SMARCA2: variants seen among roughly 807,000 people sequenced by gnomAD.
The protein encoded by SMARCA2 is SWI/SNF related BAF chromatin remodeling complex subunit ATPase 2.
In SMARCA2, 61 loss-of-function variants were observed where a neutral mutation model predicts 199.8. The ratio of observed to expected loss-of-function variants is 0.31; its 90% CI spans 0.25 to 0.38. The LOEUF is 0.38. Among genes scored for constraint, SMARCA2 ranks in the 10% least tolerant of loss-of-function variants. SMARCA2 has a pLI of 1.00. For synonymous variants in SMARCA2, 935 were observed against 732.0 expected, an observed-to-expected ratio of 1.28 and a Z score of -4.48; for missense variants, 1,344 against 2,012.2, an observed-to-expected ratio of 0.67 and a Z score of 6.35.
At chr9:2,062,456 G>T (rs1820638530) in intron 9 of SMARCA2, among the ~76,000 whole-genome samples, 1 of 152,176 alleles carries the variant, frequency 6.6e-6, no homozygotes, top group Admixed American at 6.5e-5. Context: ...ACAATTAATA[G>T]ATTTCTGCCG....
chr9:2,183,911 C>G (rs2129911239), intron 31 of SMARCA2, among the ~76,000 whole-genome samples: 1 of 152,198 alleles, frequency 6.6e-6, no homozygotes, highest in Non-Finnish European at 1.5e-5. Context: ...ACATCCAGTC[C>G]TTTTTTCTAC....
intron 1 of SMARCA2, among the ~76,000 whole-genome samples, chr9:2,018,930 C>A (rs573441481): frequency 9.2e-5 from 14 of 152,304 alleles, no homozygotes; most frequent in African/African-American, 2.9e-4. Context: ...TGTTAAGAGG[C>A]GTGGCAGATT....
At chr9:2,132,089 C>G (rs1364497904) in intron 27 of SMARCA2, among the ~76,000 whole-genome samples, 1 of 152,098 alleles carries the variant, frequency 6.6e-6, no homozygotes, top group Admixed American at 6.5e-5. Context: ...CCTCTCATCA[C>G]AGGAAGCCAA....
In SMARCA2 at chr9:2,058,178, C is replaced by G. The variant is rs17530262; in HGVS notation, c.1348-113C>G. The G allele has an allele frequency of 0.014, 12,683 of 893,418 alleles. 125 individuals are homozygous for G. Among genetic ancestry groups the G allele is most frequent in the Non-Finnish European group, 0.019 (10,421 of 562,082 alleles). The allele number at this position is 893,418 out of a possible 1,614,324, so 55.3% of individuals were successfully genotyped here. A position where few individuals can be genotyped will look rare whatever the true frequency, so the allele number is the denominator to read the frequency against. On this transcript the variant is annotated intron_variant, in intron 7 of 33. Coordinates refer to ENST00000349721, the MANE Select transcript of SMARCA2 (RefSeq NM_003070.5). ...CACCTATCCCCAAACAGATTCTAGT[C>G]TTCCTATGCTGTTAAACACACACTG... is the stretch of plus-strand genomic sequence containing the variant.
At chr9:2,160,098 C>A in intron 27 of SMARCA2, 1 of 695,666 alleles carries the variant, frequency 1.4e-6, no homozygotes. Flanking sequence ...GTTCAGCCTC[C>A]AAGATATGCG....
intron 23 of SMARCA2, among the ~76,000 whole-genome samples, chr9:2,105,599 C>T (rs898769390): frequency 5.3e-5 from 8 of 152,136 alleles, no homozygotes; most frequent in African/African-American, 1.7e-4. Context: ...TGAATGGTTA[C>T]GTAAATGTCA....
chr9:2,124,584 G>A (rs865993803), intron 27 of SMARCA2, among the ~76,000 whole-genome samples: 3 of 152,162 alleles, frequency 2.0e-5, no homozygotes, highest in South Asian at 2.1e-4. Flanking sequence ...CTCGATTTCC[G>A]CTTGATCTGA....
chr9:2,024,917 TG>T (rs1486914502), intron 1 of SMARCA2, among the ~76,000 whole-genome samples: 1 of 152,212 alleles, frequency 6.6e-6, no homozygotes, highest in Non-Finnish European at 1.5e-5. Flanking sequence ...CACATGTAGG[TG>T]TGTTCAAATA....
Position 2,042,990 on chromosome 9 carries a change from A to G in SMARCA2, c.790+3090A>G, listed in dbSNP as rs562240332. The G allele has an allele frequency of 2.7e-5, 4 of 150,508 alleles. No individual in the cohort carries two copies. In the East Asian group the frequency reaches 7.8e-4, roughly 29 times the overall value. 9.3% of individuals were successfully genotyped at this position (150,508 alleles called of 1,614,324 possible). A position where few individuals can be genotyped will look rare whatever the true frequency, so the allele number is the denominator to read the frequency against. On this transcript the variant is annotated intron_variant, in intron 4 of 33. Coordinates refer to ENST00000349721, the MANE Select transcript of SMARCA2 (RefSeq NM_003070.5). ...CAGATAACTTTACTTGCCAAAAATAATTTTTTTTTTAGATTGGCTTTTAGA... is the reference window on the plus strand; with the variant it reads ...CAGATAACTTTACTTGCCAAAAATAGTTTTTTTTTTAGATTGGCTTTTAGA...
rs764509859 is a variant in SMARCA2, at chr9:2,169,734, C to T, written c.4200-685C>T. Among the ~76,000 whole-genome samples the T allele has an allele frequency of 2.6e-5, 4 of 152,110 alleles. No individual in the cohort carries two copies. The highest frequency in any genetic ancestry group is 4.4e-5 in the Non-Finnish European group (3 of 68,014). On this transcript the variant is annotated intron_variant, in intron 28 of 33. Coordinates refer to ENST00000349721, the MANE Select transcript of SMARCA2 (RefSeq NM_003070.5). The surrounding 1 kb of genome is among the most constrained non-coding windows in gnomAD (Gnocchi z 6.5). ...TGAAACCTGGCAGCTGCTTCCCTGCCACCACAAAAAGGGACACCAACCTAG... is the reference window on the plus strand; with the variant it reads ...TGAAACCTGGCAGCTGCTTCCCTGCTACCACAAAAAGGGACACCAACCTAG...
intron 1 of SMARCA2, among the ~76,000 whole-genome samples, chr9:2,026,933 T>C (rs76954343): frequency 4.9e-4 from 75 of 152,336 alleles, no homozygotes; most frequent in African/African-American, 1.7e-3. Flanking sequence ...TGTAATTCAC[T>C]GTTGAGGCTC....
intron 9 of SMARCA2, among the ~76,000 whole-genome samples, chr9:2,063,010 G>A (rs976580027): frequency 1.3e-5 from 2 of 152,128 alleles, no homozygotes; most frequent in African/African-American, 4.8e-5. Flanking sequence ...ATATCTTTGA[G>A]TATCTCCCAT....
intron 12 of SMARCA2, 80 bp downstream of exon 12, chr9:2,073,703 C>A: frequency 9.7e-7 from 1 of 1,035,666 alleles, no homozygotes; most frequent in Non-Finnish European, 1.5e-6. Context: ...TAAGCCCGGG[C>A]CTTGGGTCCT....
chr9:2,074,554 C>G (rs1233989178), intron 12 of SMARCA2, among the ~76,000 whole-genome samples: 1 of 152,086 alleles, frequency 6.6e-6, no homozygotes, highest in African/African-American at 2.4e-5. Context: ...AGTTACATTA[C>G]AAAAAAGCAT....
At chr9:2,155,036 A>C (rs929993477) in intron 27 of SMARCA2, among the ~76,000 whole-genome samples, 1 of 152,170 alleles carries the variant, frequency 6.6e-6, no homozygotes, top group Admixed American at 6.5e-5. Flanking sequence ...ATCATCTCTC[A>C]GGTTTTTTGA....
At chr9:2,028,456 T>G (rs1818924591) in intron 1 of SMARCA2, among the ~76,000 whole-genome samples, 2 of 152,262 alleles carry the variant, frequency 1.3e-5, no homozygotes, top group African/African-American at 4.8e-5. Flanking sequence ...AGCCTTTGCT[T>G]TTTTCATGAT....
At chr9:2,184,134 G>A (rs1399489800) in intron 31 of SMARCA2, among the ~76,000 whole-genome samples, 1 of 152,044 alleles carries the variant, frequency 6.6e-6, no homozygotes, top group Non-Finnish European at 1.5e-5. Flanking sequence ...TGCTTGCTGA[G>A]GTCTAAGGTA....
chr9:2,139,316 G>T (rs941718722), intron 27 of SMARCA2, among the ~76,000 whole-genome samples: 4 of 152,194 alleles, frequency 2.6e-5, no homozygotes, highest in Non-Finnish European at 5.9e-5. Flanking sequence ...TTCAAGGATT[G>T]TCTGGTGGGC....
chr9:2,068,108 A>G (rs1397011961), intron 9 of SMARCA2, among the ~76,000 whole-genome samples: 1 of 152,214 alleles, frequency 6.6e-6, no homozygotes, highest in East Asian at 1.9e-4. Flanking sequence ...ATTAATTAAA[A>G]CAGTCCCCTG....
Sources: allele counts gnomAD v4.1 joint callset (sites outside exome capture counted in the v4.1 genomes callset), GRCh38; gene constraint gnomAD v4.1.1; non-coding constraint Gnocchi (gnomAD v3.1); transcripts MANE v1.5; gene names NCBI Gene and HGNC (gene_info 2026-07-23, HGNC 2026-07-21).